The following HIVEP2 variants were observed in gnomAD, a reference collection of about 807,000 sequenced individuals.
HIVEP2 encodes transcription factor HIVEP2.
HIVEP2 carries 14 observed loss-of-function variants against 180.7 expected under a neutral mutation model. The observed-to-expected ratio is 0.08, with a 90% CI of 0.05 to 0.12. The LOEUF (loss-of-function observed/expected upper bound fraction) is 0.12. Ranked by LOEUF, HIVEP2 falls within the 10% of genes least tolerant of loss-of-function variation. The probability of loss-of-function intolerance (pLI) is 1.00; values close to 1 mark genes in which losing one functional copy is unlikely to be tolerated. For missense variants in HIVEP2, 2,579 were observed against 3,008.5 expected, an observed-to-expected ratio of 0.86 and a Z score of 3.34; for synonymous variants, 1,184 against 1,136.4, an observed-to-expected ratio of 1.04 and a Z score of -0.84.
rs1008598984 is a variant in HIVEP2, at chr6:142,839,417, T to C, written c.-640-2370A>G. Among the ~76,000 whole-genome samples, 8 of 152,098 alleles carry C rather than the reference T, an allele frequency of 5.3e-5. 1 individual carries two copies. Among genetic ancestry groups the C allele is most frequent in the Non-Finnish European group, 2.9e-5 (2 of 68,006 alleles). ...GTTGGGGGAGGGACTCTTAGTGTTTTTTGGCTCTATCAGAAAATCTAAGGA... is the reference window on the plus strand; with the variant it reads ...GTTGGGGGAGGGACTCTTAGTGTTTCTTGGCTCTATCAGAAAATCTAAGGA... On this transcript the variant is annotated intron_variant, in intron 1 of 9. Coordinates refer to ENST00000367603, the MANE Select transcript of HIVEP2 (RefSeq NM_006734.4).
At chr6:142,887,546 C>G (rs1038074801) in intron 1 of HIVEP2, among the ~76,000 whole-genome samples, 3 of 152,150 alleles carry the variant, frequency 2.0e-5, no homozygotes, top group Admixed American at 6.5e-5. Flanking sequence ...TTCCAAATTG[C>G]ACTGACATAT....
intron 9 of HIVEP2, among the ~76,000 whole-genome samples, chr6:142,754,445 T>A (rs564224080): frequency 1.2e-4 from 18 of 152,296 alleles, no homozygotes; most frequent in East Asian, 7.7e-4. Context: ...TTGGCTTTTT[T>A]AAAAAGTTTT....
chr6:142,918,645 C>T (rs1777618449), intron 1 of HIVEP2, among the ~76,000 whole-genome samples: 2 of 152,198 alleles, frequency 1.3e-5, no homozygotes, highest in Admixed American at 1.3e-4. Flanking sequence ...AAATAGAGCA[C>T]TCCATAACAA....
At chr6:142,796,083 T>C (rs2206069) in intron 2 of HIVEP2, among the ~76,000 whole-genome samples, 88,150 of 151,812 alleles carry the variant, frequency 0.58, 26,935 homozygotes, top group Non-Finnish European at 0.68. Context: ...TATATTGCTG[T>C]TGTCATTGAT....
In HIVEP2 at chr6:142,772,682, C is replaced by G. The variant is rs750661673; in HGVS notation, c.2057G>C (p.Ser686Thr). 2.4e-5 allele frequency: 39 copies of G among 1,614,228 alleles called. No individual in the cohort carries two copies. The South Asian group carries it at 3.8e-4, about 16-fold the overall frequency. ...GTTTTCACAGGTAGTTCCAAACATG[C>G]TTGGTACTCCCTGCAATGGCACCAC... is the stretch of plus-strand genomic sequence containing the variant. ...DPVVPLQGVPSMFGTTCENRK... is the reference protein window; with the variant it reads ...DPVVPLQGVPTMFGTTCENRK... The change falls in exon 5 of 10, where the codon AGC (serine) becomes ACC (threonine). Residue 686 changes from serine to threonine, a missense_variant. Physicochemically the swap from Ser to Thr is moderately conservative, Grantham distance 58 (BLOSUM62 1). Around this residue, in one of 11 missense-constraint regions of HIVEP2, gnomAD observed 524 missense variants for 563.6 expected, o/e 0.93. Transcript: ENST00000367603. The surrounding 1 kb of genome is among the most constrained non-coding windows in gnomAD (Gnocchi z 4.9).
At chr6:142,839,653 G>A (rs1775314165) in intron 1 of HIVEP2, among the ~76,000 whole-genome samples, 1 of 152,116 alleles carries the variant, frequency 6.6e-6, no homozygotes, top group South Asian at 2.1e-4. Context: ...TGCTCCCTGA[G>A]TTCACCAGGA....
At chr6:142,842,427 C>T (rs1241898924) in intron 1 of HIVEP2, among the ~76,000 whole-genome samples, 2 of 152,002 alleles carry the variant, frequency 1.3e-5, no homozygotes, top group Middle Eastern at 3.4e-3. Flanking sequence ...GAATTCTAGA[C>T]TCTGTACTGA....
At chr6:142,780,445 C>T (rs1427214175) in intron 3 of HIVEP2, among the ~76,000 whole-genome samples, 2 of 152,194 alleles carry the variant, frequency 1.3e-5, no homozygotes, top group Non-Finnish European at 2.9e-5. Context: ...GTCTTTTTCT[C>T]TCCAACACTA....
intron 1 of HIVEP2, among the ~76,000 whole-genome samples, chr6:142,858,679 C>T (rs1168413924): frequency 6.6e-6 from 1 of 152,100 alleles, no homozygotes; most frequent in Non-Finnish European, 1.5e-5. Flanking sequence ...GCAACCTCTG[C>T]TTCCCAGGTT....
chr6:142,895,227 G>T (rs903206742), intron 1 of HIVEP2, among the ~76,000 whole-genome samples: 1 of 151,822 alleles, frequency 6.6e-6, no homozygotes, highest in African/African-American at 2.4e-5. Context: ...TTTCTGTTTT[G>T]TCTTACAGTT....
At chr6:142,855,813 C>A (rs1001317547) in intron 1 of HIVEP2, among the ~76,000 whole-genome samples, 3 of 152,082 alleles carry the variant, frequency 2.0e-5, no homozygotes, top group Non-Finnish European at 4.4e-5. Flanking sequence ...ATATTTGTAT[C>A]CACAGATTTC....
chr6:142,768,663 T>C, intron 5 of HIVEP2, 127 bp from the exon 6 acceptor site: 1 of 836,060 alleles, frequency 1.2e-6, no homozygotes. Flanking sequence ...GAACTAGTTA[T>C]ATAAAATAAG....
chr6:142,885,597 G>A lies in HIVEP2; in HGVS notation c.-640-48550C>T, dbSNP rs183161974. Among the ~76,000 whole-genome samples the A allele has an allele frequency of 2.0e-5, 3 of 152,184 alleles. No individual in the cohort carries two copies. The South Asian group carries it at 6.2e-4, about 32-fold the overall frequency. On this transcript the variant is annotated intron_variant, in intron 1 of 9. Coordinates refer to ENST00000367603, the MANE Select transcript of HIVEP2 (RefSeq NM_006734.4). ...ACCAGAGAAAATACCCACTGATGAC[G>A]CATATCCAGGCATAAAAATAGTTAC...
Position 142,785,309 on chromosome 6 carries a change from C to CAAAAAAAAAAAAAAAAAAAAAAA in HIVEP2, c.-527-1717_-527-1695dup, listed in dbSNP as rs57458259. Among the ~76,000 whole-genome samples the CAAAAAAAAAAAAAAAAAAAAAAA allele has an allele frequency of 6.1e-5, 4 of 65,370 alleles. 1 individual carries two copies. Among genetic ancestry groups the CAAAAAAAAAAAAAAAAAAAAAAA allele is most frequent in the African/African-American group, 9.7e-5 (2 of 20,518 alleles). 42.9% of individuals were successfully genotyped at this position (65,370 alleles called of 152,430 possible). On this transcript the variant is annotated intron_variant, in intron 2 of 9. Coordinates refer to ENST00000367603, the MANE Select transcript of HIVEP2 (RefSeq NM_006734.4). The stretch of plus-strand genomic sequence containing the variant: ...GGCTAAAGTAAAGCATGGCATTCCT[C>CAAAAAAAAAAAAAAAAAAAAAAA]AAAAAAAAAAAAAAAAAAAAAAAAA...
Position 142,770,927 on chromosome 6 carries a change from T to C in HIVEP2, c.3812A>G (p.Tyr1271Cys), listed in dbSNP as rs1582841643. The C allele has an allele frequency of 1.2e-6, 2 of 1,614,234 alleles. No homozygotes were observed. Among genetic ancestry groups the C allele is most frequent in the South Asian group, 2.2e-5 (2 of 91,086 alleles). Residue 1271 changes from tyrosine to cysteine, a missense_variant, in exon 5 of 10, where the codon TAT (tyrosine) becomes TGT (cysteine). Coordinates refer to ENST00000367603, the MANE Select transcript of HIVEP2 (RefSeq NM_006734.4). The surrounding 1 kb of genome is among the most constrained non-coding windows in gnomAD (Gnocchi z 4.7). ...GTAGGTCTGCTCTTTCGTGTGTGCA[T>C]ACTCAGCAGGTTTCTTTCCAGTGTG... ...AEHTGKKPAE[Y>C]AHTKEQTYPC...
At chr6:142,933,858 C>G (rs551835018) in intron 1 of HIVEP2, among the ~76,000 whole-genome samples, 78 of 152,304 alleles carry the variant, frequency 5.1e-4, no homozygotes, top group African/African-American at 1.9e-3. Flanking sequence ...CCAAGTTTAT[C>G]ATGAATAGTA....
chr6:142,763,981 C>A (rs1299895392), intron 7 of HIVEP2, among the ~76,000 whole-genome samples: 1 of 152,094 alleles, frequency 6.6e-6, no homozygotes, highest in Non-Finnish European at 1.5e-5. Context: ...CTTGAATGAG[C>A]AGATTAATCA....
chr6:142,885,348 C>T (rs1471463241), intron 1 of HIVEP2, among the ~76,000 whole-genome samples: 9 of 151,778 alleles, frequency 5.9e-5, no homozygotes. Context: ...TTTCTTCTCT[C>T]GTCCCTCCCC....
In HIVEP2 at chr6:142,775,812, C is replaced by T. The variant is rs531033171; in HGVS notation, c.-388+335G>A. On this transcript the variant is annotated intron_variant, in intron 4 of 9. Transcript: ENST00000367603. The stretch of plus-strand genomic sequence containing the variant: ...ATCATGTCACTGCACTGCAGCCTGG[C>T]GACAGAGCGAGACTCCATCTCAAAA... Among the ~76,000 whole-genome samples the T allele has an allele frequency of 3.6e-4, 51 of 141,666 alleles. No individual in the cohort carries two copies. In the South Asian group the frequency reaches 7.5e-3, roughly 21 times the overall value. The allele number at this position is 141,666 out of a possible 152,430, so 92.9% of individuals were successfully genotyped here. A position where few individuals can be genotyped will look rare whatever the true frequency, so the allele number is the denominator to read the frequency against.
Sources: allele counts gnomAD v4.1 joint callset (sites outside exome capture counted in the v4.1 genomes callset), GRCh38; gene constraint gnomAD v4.1.1; regional missense constraint gnomAD v4.1.1; non-coding constraint Gnocchi (gnomAD v3.1); transcripts MANE v1.5; gene names NCBI Gene and HGNC (gene_info 2026-07-23, HGNC 2026-07-21).